The following ARHGAP6 variants were observed in gnomAD, a reference collection of about 807,000 sequenced individuals.
ARHGAP6 encodes the protein rho GTPase-activating protein 6.
Under a neutral mutation model 55.7 loss-of-function variants are expected in ARHGAP6, and 16 were observed. The ratio of observed to expected loss-of-function variants is 0.29; its 90% CI spans 0.19 to 0.44. The LOEUF (loss-of-function observed/expected upper bound fraction) is 0.44. Among genes scored for constraint, ARHGAP6 ranks in the 20% least tolerant of loss-of-function variants. ARHGAP6 has a pLI of 1.00. For synonymous variants in ARHGAP6, 382 were observed against 360.9 expected (o/e 1.06, Z -0.66); for missense variants, 698 against 808.9 (o/e 0.86, Z 1.66).
chrX:11,219,326 T>C (rs1426034701), intron 2 of ARHGAP6, among the ~76,000 whole-genome samples: 374 of 73,243 alleles, frequency 5.1e-3, no homozygotes, highest in Non-Finnish European at 5.6e-3. Flanking sequence ...TTTGCTATTG[T>C]GAATAATGCC....
intron 1 of ARHGAP6, chrX:11,427,917 C>A (rs1369877205): frequency 1.7e-5 from 8 of 470,539 alleles, no homozygotes; most frequent in Admixed American, 1.8e-4. Flanking sequence ...CCGCTCCTGG[C>A]GGGTCCCTCC....
chrX:11,591,397 T>C (rs917284898), intron 1 of ARHGAP6, among the ~76,000 whole-genome samples: 1 of 108,533 alleles, frequency 9.2e-6, no homozygotes, highest in African/African-American at 3.3e-5. Context: ...TAAATAATTA[T>C]TTAATTATAT....
intron 1 of ARHGAP6, among the ~76,000 whole-genome samples, chrX:11,381,885 G>T (rs1447781910): frequency 8.9e-6 from 1 of 112,315 alleles, no homozygotes; most frequent in African/African-American, 3.2e-5. Flanking sequence ...GGAGTCAAGA[G>T]ACGACAAAGT....
intron 1 of ARHGAP6, among the ~76,000 whole-genome samples, chrX:11,627,534 C>A (rs1267250470): frequency 9.0e-6 from 1 of 111,310 alleles, no homozygotes; most frequent in Non-Finnish European, 1.9e-5. Flanking sequence ...TTTAAACATG[C>A]AAAAATGCTG....
chrX:11,625,324 T>C (rs1184208661), intron 1 of ARHGAP6, among the ~76,000 whole-genome samples: 2 of 110,809 alleles, frequency 1.8e-5, no homozygotes, highest in Admixed American at 1.9e-4. Flanking sequence ...TGTATATATG[T>C]TTACGTGTGT....
intron 1 of ARHGAP6, among the ~76,000 whole-genome samples, chrX:11,267,226 T>C (rs933915850): frequency 8.9e-6 from 1 of 112,267 alleles, no homozygotes; most frequent in Admixed American, 9.5e-5. Flanking sequence ...ATGTAATTCA[T>C]TTTTTATTAT....
At chrX:11,571,689 T>A (rs938703267) in intron 1 of ARHGAP6, among the ~76,000 whole-genome samples, 2 of 101,491 alleles carry the variant, frequency 2.0e-5, no homozygotes, top group Non-Finnish European at 4.0e-5. Context: ...CCTGGGCAAC[T>A]TAGGGAGACC....
chrX:11,649,916 CATTT>C, intron 1 of ARHGAP6, among the ~76,000 whole-genome samples: 1 of 109,180 alleles, frequency 9.2e-6, no homozygotes. Flanking sequence ...TGCATAGAAA[CATTT>C]AATTAATTAA....
At chrX:11,267,710 G>A (rs955239638) in intron 1 of ARHGAP6, among the ~76,000 whole-genome samples, 5 of 112,386 alleles carry the variant, frequency 4.4e-5, no homozygotes, top group Non-Finnish European at 9.4e-5. Context: ...ATAATCCCGA[G>A]AGACAACATC....
intron 1 of ARHGAP6, among the ~76,000 whole-genome samples, chrX:11,564,496 A>AATAT (rs2051421681): frequency 9.0e-6 from 1 of 110,862 alleles, no homozygotes; most frequent in Non-Finnish European, 1.9e-5. Flanking sequence ...CTGGTTTTAT[A>AATAT]ATATATTCTT....
intron 1 of ARHGAP6, among the ~76,000 whole-genome samples, chrX:11,497,569 C>CTCTCTCTCTCTT (rs2050636607): frequency 1.2e-5 from 1 of 85,349 alleles, no homozygotes; most frequent in African/African-American, 4.3e-5. Flanking sequence ...TTCTCTCTCT[C>CTCTCTCTCTCTT]TCTCTCTCTC....
chrX:11,516,561 T>A (rs1020729422), intron 1 of ARHGAP6, among the ~76,000 whole-genome samples: 3 of 112,040 alleles, frequency 2.7e-5, no homozygotes, highest in Non-Finnish European at 5.6e-5. Flanking sequence ...TAGCTAACAT[T>A]TACTGTGCAT....
At chrX:11,639,115 AGAAAAAACATAAGTCTGAAACAAGG>A (rs1166979244) in intron 1 of ARHGAP6, among the ~76,000 whole-genome samples, 5 of 111,752 alleles carry the variant, frequency 4.5e-5, no homozygotes, top group South Asian at 3.7e-4. Context: ...AATGGAAGGG[AGAAAAAACATAAGTCTGAAACAAGG>A]GAAAAAACAT....
intron 1 of ARHGAP6, among the ~76,000 whole-genome samples, chrX:11,576,032 G>T (rs925610154): frequency 7.2e-5 from 8 of 111,759 alleles, no homozygotes; most frequent in African/African-American, 2.6e-4. Context: ...TTTTTAATGT[G>T]CTGATGGTTC....
chrX:11,425,452 T>C (rs2049868689), intron 1 of ARHGAP6, among the ~76,000 whole-genome samples: 1 of 112,392 alleles, frequency 8.9e-6, no homozygotes, highest in Non-Finnish European at 1.9e-5. Context: ...GAACATTCTC[T>C]GGACACGTGA....
chrX:11,356,927 C>T lies in ARHGAP6; in HGVS notation c.589-102220G>A, dbSNP rs946732583. Reference sequence around the variant, plus strand: ...GGACCCAGAAATGAGGAAAATGATGCTACAGTGTTAAAGCAAGGTTAGAAT... The same window carrying T: ...GGACCCAGAAATGAGGAAAATGATGTTACAGTGTTAAAGCAAGGTTAGAAT... On this transcript the variant is annotated intron_variant, in intron 1 of 12. Transcript: ENST00000337414. Among the ~76,000 whole-genome samples the T allele has an allele frequency of 8.1e-5, 9 of 111,642 alleles. No homozygotes were observed. The East Asian group carries it at 2.0e-3, about 24-fold the overall frequency.
chrX:11,227,778 A>C (rs1182851532), intron 2 of ARHGAP6, among the ~76,000 whole-genome samples: 1 of 109,782 alleles, frequency 9.1e-6, no homozygotes. Flanking sequence ...AAATGCTTTT[A>C]AAATCTTTCT....
intron 1 of ARHGAP6, among the ~76,000 whole-genome samples, chrX:11,660,182 C>G (rs1471831399): frequency 1.8e-5 from 2 of 111,934 alleles, no homozygotes; most frequent in Non-Finnish European, 3.8e-5. Flanking sequence ...TATGCCTTCA[C>G]TCTCTGCAGT....
At chrX:11,319,152 ATCTATG>A (rs1402239662) in intron 1 of ARHGAP6, among the ~76,000 whole-genome samples, 4 of 111,664 alleles carry the variant, frequency 3.6e-5, no homozygotes, top group African/African-American at 1.3e-4. Flanking sequence ...CTATATCTAT[ATCTATG>A]TCTATCTATA....
Sources: gnomAD v4.1 joint callset for allele counts (sites outside exome capture counted in the v4.1 genomes callset) on GRCh38, gnomAD v4.1.1 for gene constraint, MANE v1.5 for transcripts, NCBI Gene and HGNC (gene_info 2026-07-23, HGNC 2026-07-21) for gene names.